NCOR2: variants seen among roughly 807,000 people sequenced by gnomAD.
NCOR2 encodes the protein CTG repeat protein 26.
A neutral mutation model predicts 262.9 loss-of-function variants in NCOR2; 81 were observed. That is an observed-to-expected ratio of 0.31 (90% confidence interval 0.26 to 0.37). The LOEUF (loss-of-function observed/expected upper bound fraction) is 0.37. Ranked by LOEUF, NCOR2 falls within the 10% of genes least tolerant of loss-of-function variation. The pLI, the probability that NCOR2 is intolerant of heterozygous loss-of-function variation, is 1.00. For synonymous variants in NCOR2, 1,659 were observed against 1,559.3 expected (o/e 1.06, Z -1.51); for missense variants, 3,385 against 3,621.4 (o/e 0.93, Z 1.68).
At chr12:124,385,601 AC>A (rs1383536020) in intron 17 of NCOR2, 143 bp downstream of exon 19, 2 of 1,264,564 alleles carry the variant, frequency 1.6e-6, no homozygotes, top group African/African-American at 3.0e-5. Context: ...CCGGGCTTGA[AC>A]CCCCAGAAGC....
chr12:124,357,934 T>C (rs1006904566), intron 22 of NCOR2, among the ~76,000 whole-genome samples: 1 of 148,910 alleles, frequency 6.7e-6, no homozygotes, highest in African/African-American at 2.5e-5. Context: ...TGCGTGCATG[T>C]GTGTGTGAGT....
chr12:124,361,833 T>TTAAG (rs1555305712), intron 22 of NCOR2, among the ~76,000 whole-genome samples: 1 of 151,978 alleles, frequency 6.6e-6, no homozygotes, highest in Non-Finnish European at 1.5e-5. Flanking sequence ...GGATTTCACA[T>TTAAG]AAGATGGATT....
exon 2 of NCOR2, chr12:124,486,539 G>C: frequency 6.3e-7 from 1 of 1,591,502 alleles, no homozygotes; most frequent in Non-Finnish European, 8.6e-7. Flanking sequence ...AGTCGCGGGA[G>C]TGGTGCTGGT....
intron 16 of NCOR2, among the ~76,000 whole-genome samples, chr12:124,393,023 G>T (rs946238779): frequency 2.0e-5 from 3 of 152,228 alleles, no homozygotes; most frequent in African/African-American, 7.2e-5. Flanking sequence ...CCAACTCCCG[G>T]TCTAGAATGG....
intron 10 of NCOR2, among the ~76,000 whole-genome samples, chr12:124,428,086 T>TGTGTGTGTGTGTGTGTGTGCGTGCGTGC (rs958627720): frequency 2.0e-5 from 3 of 147,054 alleles, no homozygotes; most frequent in Non-Finnish European, 4.5e-5. Context: ...TGTGTGTGTG[T>TGTGTGTGTGTGTGTGTGTGCGTGCGTGC]GTACATGCAA....
chr12:124,478,708 G>A (rs956918079), intron 3 of NCOR2, among the ~76,000 whole-genome samples: 2 of 152,084 alleles, frequency 1.3e-5, no homozygotes, highest in East Asian at 1.9e-4. Flanking sequence ...GCAGAGAGGA[G>A]AGAGAGACAG....
chr12:124,423,201 C>T (rs2043322169), intron 11 of NCOR2, among the ~76,000 whole-genome samples: 1 of 152,190 alleles, frequency 6.6e-6, no homozygotes, highest in Admixed American at 6.5e-5. Flanking sequence ...AATGTGAGGG[C>T]CAAAGGAGCG....
At chr12:124,489,246 C>T (rs565330279) in intron 1 of NCOR2, among the ~76,000 whole-genome samples, 3 of 152,254 alleles carry the variant, frequency 2.0e-5, no homozygotes, top group South Asian at 4.1e-4. Context: ...AACGCGACAA[C>T]ATTAATCATA....
At chr12:124,388,387 AC>A (rs2040975937) in intron 16 of NCOR2, among the ~76,000 whole-genome samples, 1 of 151,988 alleles carries the variant, frequency 6.6e-6, no homozygotes, top group Non-Finnish European at 1.5e-5. Flanking sequence ...CTTGGAGACC[AC>A]CCCGCCAGAC....
In NCOR2 at chr12:124,520,848, G is replaced by GC. The variant is rs113365916; in HGVS notation, c.-118+14716dup. ...ATCTGCCGACAGGCCGCTTCCTGGA[G>GC]CCCGTCTGCTGAGCAGAGCTTTGAC... On this transcript the variant is annotated intron_variant, in intron 1 of 46. Transcript: ENST00000404621. Among the ~76,000 whole-genome samples, 564 of 152,308 alleles carry GC rather than the reference G, an allele frequency of 3.7e-3. 6 individuals are homozygous for GC. Among genetic ancestry groups the GC allele is most frequent in the African/African-American group, 0.012 (482 of 41,578 alleles).
At chr12:124,384,013 G>A (rs1034353212) in intron 17 of NCOR2, among the ~76,000 whole-genome samples, 2 of 152,254 alleles carry the variant, frequency 1.3e-5, no homozygotes, top group African/African-American at 4.8e-5. Context: ...GGGTGAGGGG[G>A]ACAGGCGGAG....
rs147391660 is a variant in NCOR2, at chr12:124,529,220, A to T, written c.-118+6345T>A. Among the ~76,000 whole-genome samples the T allele has an allele frequency of 2.4e-3, 348 of 144,268 alleles. 2 individuals are homozygous for T. The highest frequency in any genetic ancestry group is 7.4e-3 in the Admixed American group (104 of 14,034). The allele number at this position is 144,268 out of a possible 152,430, so 94.6% of individuals were successfully genotyped here. The stretch of plus-strand genomic sequence containing the variant: ...AAAAAAAACACTCACTAATCCTAGC[A>T]CTTTGGGAGGCCAAAGTAAGTGGAT... On this transcript the variant is annotated intron_variant, in intron 1 of 46. Coordinates refer to the NCOR2 transcript ENST00000404621.
chr12:124,328,973 A>G (rs557071766), intron 44 of NCOR2: 52 of 349,014 alleles, frequency 1.5e-4, no homozygotes, highest in South Asian at 1.1e-3. Context: ...AGAAAAAGCA[A>G]CATTTCCAAC....
chr12:124,463,336 C>T (rs2046267759), intron 5 of NCOR2, among the ~76,000 whole-genome samples: 1 of 152,238 alleles, frequency 6.6e-6, no homozygotes, highest in South Asian at 2.1e-4. Context: ...CCACCCGCTG[C>T]CTCCAAGAAG....
At chr12:124,557,360 C>CG (rs2051915725) in intron 1 of NCOR2, among the ~76,000 whole-genome samples, 1 of 152,198 alleles carries the variant, frequency 6.6e-6, no homozygotes, top group African/African-American at 2.4e-5. Flanking sequence ...GGAGGCTCTG[C>CG]GGGGGAGTCT....
At position 124,557,769 on chromosome 12, in the gene NCOR2, C is replaced by A. The variant is rs537296536; in HGVS notation, c.-165+9539G>T. Among the ~76,000 whole-genome samples the A allele has an allele frequency of 5.9e-5, 9 of 152,260 alleles. No homozygotes were observed. In the East Asian group the frequency reaches 1.4e-3, roughly 23 times the overall value. ...TAAAGCAGGTGTCTCCCAACTTCTCCCGCTTGCCTTCCTCCCCTGGTTTAC... is the reference window on the plus strand; with the variant it reads ...TAAAGCAGGTGTCTCCCAACTTCTCACGCTTGCCTTCCTCCCCTGGTTTAC... On this transcript the variant is annotated intron_variant, in intron 1 of 32. Coordinates refer to the NCOR2 transcript ENST00000458234.
exon 38 of NCOR2, chr12:124,336,931 C>A (rs773944026): frequency 3.8e-6 from 6 of 1,570,010 alleles, no homozygotes; most frequent in Non-Finnish European, 5.2e-6. Context: ...GCACTAGGGG[C>A]CGGGGCTCCG....
At chr12:124,453,932 T>C (rs1383688422) in intron 6 of NCOR2, among the ~76,000 whole-genome samples, 1 of 152,214 alleles carries the variant, frequency 6.6e-6, no homozygotes, top group Non-Finnish European at 1.5e-5. Flanking sequence ...GATCCGTCCC[T>C]GCCGAGGGGA....
intron 17 of NCOR2, among the ~76,000 whole-genome samples, chr12:124,384,193 G>A (rs1042530949): frequency 6.6e-6 from 1 of 152,216 alleles, no homozygotes; most frequent in African/African-American, 2.4e-5. Context: ...CAGAATCAAT[G>A]GCCCACAACA....
Sources: allele counts gnomAD v4.1 joint callset (sites outside exome capture counted in the v4.1 genomes callset), GRCh38; gene constraint gnomAD v4.1.1; transcripts MANE v1.5; gene names NCBI Gene and HGNC (gene_info 2026-07-23, HGNC 2026-07-21).